The following GRID1 variants were observed in gnomAD, a reference collection of about 807,000 sequenced individuals.
GRID1 encodes glutamate ionotropic receptor delta type subunit 1, also known as glutamate receptor ionotropic, delta-1.
GRID1 carries 28 observed loss-of-function variants against 98.0 expected under a neutral mutation model. That is an observed-to-expected ratio of 0.29 (90% confidence interval 0.21 to 0.39). The LOEUF (loss-of-function observed/expected upper bound fraction) is 0.39. Among genes scored for constraint, GRID1 ranks in the 10% least tolerant of loss-of-function variants. The pLI, the probability that GRID1 is intolerant of heterozygous loss-of-function variation, is 1.00. For missense variants in GRID1, 1,111 were observed against 1,340.5 expected (o/e 0.83, Z 2.67); for synonymous variants, 553 against 538.5 (o/e 1.03, Z -0.37).
intron 4 of GRID1, among the ~76,000 whole-genome samples, chr10:86,095,230 A>G (rs1844204501): frequency 6.6e-6 from 1 of 152,226 alleles, no homozygotes; most frequent in Non-Finnish European, 1.5e-5. Flanking sequence ...ACTTAAACCT[A>G]AGACCTGAAA....
chr10:85,880,110 T>C (rs1840983244), intron 5 of GRID1, among the ~76,000 whole-genome samples: 1 of 152,186 alleles, frequency 6.6e-6, no homozygotes, highest in South Asian at 2.1e-4. Flanking sequence ...TAACAGGCTC[T>C]GAAATTGTGG....
chr10:85,954,273 A>G (rs1002774403), intron 4 of GRID1, among the ~76,000 whole-genome samples: 2 of 152,150 alleles, frequency 1.3e-5, no homozygotes, highest in Admixed American at 1.3e-4. Context: ...ATGAAATCTA[A>G]CAGAAAGAGG....
At chr10:85,767,674 A>G (rs1842211114) in intron 8 of GRID1, among the ~76,000 whole-genome samples, 1 of 152,170 alleles carries the variant, frequency 6.6e-6, no homozygotes, top group South Asian at 2.1e-4. Context: ...GCATTTCTTC[A>G]GTTGTCTTTT....
At chr10:86,302,654 C>A (rs1178358488) in intron 2 of GRID1, among the ~76,000 whole-genome samples, 1 of 152,198 alleles carries the variant, frequency 6.6e-6, no homozygotes, top group African/African-American at 2.4e-5. Flanking sequence ...GCAGGCAATA[C>A]AGGGGACAGA....
intron 5 of GRID1, among the ~76,000 whole-genome samples, chr10:85,915,473 TCA>T (rs1323457708): frequency 2.6e-5 from 4 of 151,390 alleles, no homozygotes; most frequent in South Asian, 2.1e-4. Context: ...ACATGCACAA[TCA>T]CACACATATT....
chr10:86,028,741 T>G (rs1589342677), intron 4 of GRID1, among the ~76,000 whole-genome samples: 1 of 152,176 alleles, frequency 6.6e-6, no homozygotes, highest in East Asian at 1.9e-4. Context: ...TAGGAGGGAC[T>G]CTGGGAAAGG....
At chr10:85,684,944 T>G (rs1347562604) in intron 12 of GRID1, among the ~76,000 whole-genome samples, 1 of 152,176 alleles carries the variant, frequency 6.6e-6, no homozygotes, top group Non-Finnish European at 1.5e-5. Flanking sequence ...ATGACCTCAT[T>G]TAATCTCAAT....
intron 8 of GRID1, among the ~76,000 whole-genome samples, chr10:85,844,405 C>A (rs1229990824): frequency 7.1e-6 from 1 of 141,504 alleles, no homozygotes; most frequent in African/African-American, 2.7e-5. Context: ...CAGGAAAATA[C>A]TGAATACAAC....
At chr10:85,874,504 T>C (rs1843308555) in intron 5 of GRID1, among the ~76,000 whole-genome samples, 1 of 152,246 alleles carries the variant, frequency 6.6e-6, no homozygotes, top group Non-Finnish European at 1.5e-5. Context: ...TTGTATTGCC[T>C]TTCCTGCATT....
intron 4 of GRID1, among the ~76,000 whole-genome samples, chr10:86,063,100 A>G (rs1213853925): frequency 6.6e-6 from 1 of 152,220 alleles, no homozygotes; most frequent in East Asian, 1.9e-4. Flanking sequence ...CCTGGCACCC[A>G]TGTGTCTTCA....
chr10:85,672,991 C>T (rs1372495323), intron 12 of GRID1, among the ~76,000 whole-genome samples: 1 of 152,166 alleles, frequency 6.6e-6, no homozygotes, highest in Non-Finnish European at 1.5e-5. Context: ...ATTCTAGGTG[C>T]CATTCAGAAT....
chr10:85,836,745 T>A (rs547849098), intron 8 of GRID1, among the ~76,000 whole-genome samples: 1 of 152,066 alleles, frequency 6.6e-6, no homozygotes, highest in Admixed American at 6.6e-5. Flanking sequence ...TTGATCTCTG[T>A]AGGGTGGTCT....
chr10:86,053,697 AGCTTTCCTCAGAG>A (rs1843535143), intron 4 of GRID1, among the ~76,000 whole-genome samples: 3 of 152,204 alleles, frequency 2.0e-5, no homozygotes, highest in Admixed American at 2.0e-4. Flanking sequence ...GAAATCCAAA[AGCTTTCCTCAGAG>A]GCTTTCCTCA....
chr10:85,913,188 G>A (rs1406214897), intron 5 of GRID1, among the ~76,000 whole-genome samples: 9 of 152,152 alleles, frequency 5.9e-5, no homozygotes, highest in Non-Finnish European at 1.3e-4. Flanking sequence ...CCCCATCAGT[G>A]TGCATACCTG....
intron 8 of GRID1, among the ~76,000 whole-genome samples, chr10:85,739,997 A>T (rs1036852044): frequency 6.6e-6 from 1 of 152,166 alleles, no homozygotes; most frequent in East Asian, 1.9e-4. Flanking sequence ...TACCTAGAGG[A>T]AGCATTGTTT....
intron 4 of GRID1, among the ~76,000 whole-genome samples, chr10:86,086,085 T>C (rs1007871330): frequency 7.2e-5 from 11 of 152,164 alleles, no homozygotes; most frequent in African/African-American, 2.4e-4. Context: ...ACCTATGCTC[T>C]TCCTTCAGGC....
intron 13 of GRID1, among the ~76,000 whole-genome samples, chr10:85,645,072 C>T (rs1843168517): frequency 6.6e-6 from 1 of 152,162 alleles, no homozygotes; most frequent in Non-Finnish European, 1.5e-5. Context: ...AACATCCCCT[C>T]CCAGTGTGTG....
chr10:85,969,168 A>G (rs1304376568), intron 4 of GRID1, among the ~76,000 whole-genome samples: 4 of 152,228 alleles, frequency 2.6e-5, no homozygotes, highest in African/African-American at 9.6e-5. Context: ...TCATCTAACA[A>G]TAGCACCCCA....
chr10:85,746,641 G>C (rs1841999922), intron 8 of GRID1, among the ~76,000 whole-genome samples: 1 of 152,094 alleles, frequency 6.6e-6, no homozygotes. Flanking sequence ...GCTACATGTA[G>C]ATGTCCTGGA....
Sources: gnomAD v4.1 joint callset for allele counts (sites outside exome capture counted in the v4.1 genomes callset) on GRCh38, gnomAD v4.1.1 for gene constraint, MANE v1.5 for transcripts, NCBI Gene and HGNC (gene_info 2026-07-23, HGNC 2026-07-21) for gene names.